BDKRB2: variants seen among roughly 807,000 people sequenced by gnomAD.
BDKRB2 encodes B2 bradykinin receptor.
BDKRB2 carries 6 observed loss-of-function variants against 4.0 expected under a neutral mutation model. The ratio of observed to expected loss-of-function variants is 1.49; its 90% CI spans 0.81 to 2.93. The LOEUF (loss-of-function observed/expected upper bound fraction) is 2.93, where lower values mean the gene tolerates loss of function less well. Ranked by LOEUF, BDKRB2 falls within the 30% of genes most tolerant of loss-of-function variation. The probability of loss-of-function intolerance (pLI) is 0.00; values close to 1 mark genes in which losing one functional copy is unlikely to be tolerated. For synonymous variants in BDKRB2, 225 were observed against 215.3 expected, an observed-to-expected ratio of 1.05 and a Z score of -0.40; for missense variants, 478 against 520.1, an observed-to-expected ratio of 0.92 and a Z score of 0.79.
chr14:96,220,037 T>G (rs928910256), intron 1 of BDKRB2, among the ~76,000 whole-genome samples: 1 of 151,932 alleles, frequency 6.6e-6, no homozygotes, highest in Non-Finnish European at 1.5e-5. Flanking sequence ...ACCATAGAAA[T>G]TTGCAAATGC....
intron 1 of BDKRB2, among the ~76,000 whole-genome samples, chr14:96,210,314 C>T (rs1959052): frequency 6.6e-6 from 1 of 151,896 alleles, no homozygotes; most frequent in Admixed American, 6.6e-5. Context: ...TGGCTTAGTG[C>T]GTTTGGGGTC....
At chr14:96,217,723 C>A (rs112999717) in intron 1 of BDKRB2, among the ~76,000 whole-genome samples, 1 of 151,634 alleles carries the variant, frequency 6.6e-6, no homozygotes, top group Non-Finnish European at 1.5e-5. Flanking sequence ...AGCCAGAGCA[C>A]CTGTCTTGGG....
In BDKRB2 at chr14:96,242,198, G is replaced by C. The variant is rs199754651; in HGVS notation, c.*694G>C. 1 of 152,278 alleles carries C rather than the reference G, an allele frequency of 6.6e-6. No individual in the cohort carries two copies. The highest frequency in any genetic ancestry group is 2.4e-5 in the African/African-American group (1 of 41,454). 9.4% of individuals were successfully genotyped at this position (152,278 alleles called of 1,614,324 possible). A position where few individuals can be genotyped will look rare whatever the true frequency, so the allele number is the denominator to read the frequency against. ...ATCTTGAAGGAACTCAAAGACTCAAGTGGGAACGACTGGGCACTGCCACCA... is the reference window on the plus strand; with the variant it reads ...ATCTTGAAGGAACTCAAAGACTCAACTGGGAACGACTGGGCACTGCCACCA... On this transcript the variant is annotated 3_prime_UTR_variant, in exon 3 of 3. Coordinates refer to ENST00000554311, the MANE Select transcript of BDKRB2 (RefSeq NM_001379692.1).
chr14:96,244,126 C>A lies in BDKRB2; in HGVS notation c.*2622C>A, dbSNP rs1429032947. ...ACGAGAAAATCATGTAAACATGTGT[C>A]TTTTCTGTAGAGCATAATAAATGGA... On this transcript the variant is annotated 3_prime_UTR_variant, in exon 3 of 3. Transcript: ENST00000554311. 2 of 398,472 alleles carry A rather than the reference C, an allele frequency of 5.0e-6. No individual in the cohort carries two copies. The highest frequency in any genetic ancestry group is 4.1e-5 in the African/African-American group (2 of 48,630). The allele number at this position is 398,472 out of a possible 1,614,324, so 24.7% of individuals were successfully genotyped here.
rs574876078 is a variant in BDKRB2, at chr14:96,205,519, C to T, written c.-40+560C>T. ...GGGGGTTTGTGAATGTTGGCTGATG[C>T]GCCTCCAGGAGGCAGGTGGTAGTGA... is the stretch of plus-strand genomic sequence containing the variant. On this transcript the variant is annotated intron_variant, in intron 1 of 2. Coordinates refer to ENST00000554311, the MANE Select transcript of BDKRB2 (RefSeq NM_001379692.1). 4.6e-5 allele frequency among the ~76,000 whole-genome samples: 7 copies of T among 152,178 alleles called. No individual in the cohort carries two copies. The East Asian group carries it at 5.8e-4, about 13-fold the overall frequency.
intron 1 of BDKRB2, among the ~76,000 whole-genome samples, chr14:96,209,145 G>A (rs764725339): frequency 3.3e-5 from 5 of 152,208 alleles, no homozygotes; most frequent in African/African-American, 7.2e-5. Flanking sequence ...ACGCAGGTGC[G>A]GGGGTCCTGC....
At chr14:96,239,555 A>C in intron 2 of BDKRB2, 2 of 985,358 alleles carry the variant, frequency 2.0e-6, no homozygotes, top group Non-Finnish European at 2.4e-6. Flanking sequence ...GGAGTTTACC[A>C]CTGGTTATTT....
Position 96,241,551 on chromosome 14 carries a change from C to CA in BDKRB2, c.*48dup, listed in dbSNP as rs777421782. On this transcript the variant is annotated 3_prime_UTR_variant, in exon 3 of 3. Coordinates refer to ENST00000554311, the MANE Select transcript of BDKRB2 (RefSeq NM_001379692.1). ...GTGAATTTGTGTAAGGATTGAGGGACAGTTGCTTTTCAGCATGGGCCCAGG... is the reference window on the plus strand; with the variant it reads ...GTGAATTTGTGTAAGGATTGAGGGACAAGTTGCTTTTCAGCATGGGCCCAGG... 4.0e-6 allele frequency: 6 copies of CA among 1,497,012 alleles called. No individual in the cohort carries two copies. In the African/African-American group the frequency reaches 4.2e-5, roughly 10 times the overall value. 92.7% of individuals were successfully genotyped at this position (1,497,012 alleles called of 1,614,324 possible).
At chr14:96,215,970 A>G (rs1890408150) in intron 1 of BDKRB2, among the ~76,000 whole-genome samples, 1 of 152,234 alleles carries the variant, frequency 6.6e-6, no homozygotes, top group Admixed American at 6.5e-5. Context: ...GCCCCTGCGC[A>G]GTGCGAGTGG....
intron 1 of BDKRB2, among the ~76,000 whole-genome samples, chr14:96,218,564 C>T (rs1264121400): frequency 1.3e-5 from 2 of 152,158 alleles, no homozygotes; most frequent in Admixed American, 6.5e-5. Flanking sequence ...GCATCCCAGG[C>T]CCTGCTCTGC....
intron 2 of BDKRB2, chr14:96,238,627 A>C (rs1885176307): frequency 1.0e-6 from 1 of 979,806 alleles, no homozygotes; most frequent in Non-Finnish European, 1.2e-6. Context: ...TCCAACATCT[A>C]GTGTCACTTT....
At chr14:96,209,890 G>A (rs1595245639) in intron 1 of BDKRB2, among the ~76,000 whole-genome samples, 1 of 152,086 alleles carries the variant, frequency 6.6e-6, no homozygotes, top group African/African-American at 2.4e-5. Flanking sequence ...TAGCTACTTG[G>A]GAAGCTGAGG....
chr14:96,236,973 C>A, intron 1 of BDKRB2, 96 bp from the exon 2 acceptor site: 1 of 759,386 alleles, frequency 1.3e-6, no homozygotes, highest in Admixed American at 1.8e-5. Flanking sequence ...GAGTCAGGGA[C>A]TCAGCAGTCT....
At chr14:96,210,230 G>T (rs538021989) in intron 1 of BDKRB2, among the ~76,000 whole-genome samples, 1 of 152,360 alleles carries the variant, frequency 6.6e-6, no homozygotes, top group African/African-American at 2.4e-5. Flanking sequence ...TGTGAGGGAA[G>T]TAAATAGTTA....
At chr14:96,225,890 C>T (rs1451799528) in intron 1 of BDKRB2, among the ~76,000 whole-genome samples, 1 of 152,148 alleles carries the variant, frequency 6.6e-6, no homozygotes, top group Non-Finnish European at 1.5e-5. Context: ...TAGGCAGAGA[C>T]CCCGCCCACC....
chr14:96,208,576 A>C (rs2139764290), intron 1 of BDKRB2, among the ~76,000 whole-genome samples: 1 of 152,292 alleles, frequency 6.6e-6, no homozygotes, highest in East Asian at 1.9e-4. Flanking sequence ...GGCACACTGC[A>C]GGAGCTCAGG....
intron 1 of BDKRB2, 147 bp from the exon 2 acceptor site, chr14:96,236,922 C>A: frequency 3.3e-6 from 2 of 614,298 alleles, no homozygotes; most frequent in Non-Finnish European, 5.8e-6. Flanking sequence ...GCCATTGTAT[C>A]CCTAGCACCG....
At chr14:96,236,077 G>C (rs1218495625) in intron 1 of BDKRB2, among the ~76,000 whole-genome samples, 1 of 152,148 alleles carries the variant, frequency 6.6e-6, no homozygotes, top group African/African-American at 2.4e-5. Flanking sequence ...ACTTGAAGAG[G>C]GGTAGAGACA....
intron 1 of BDKRB2, among the ~76,000 whole-genome samples, chr14:96,213,374 C>G (rs929681455): frequency 1.4e-4 from 21 of 152,122 alleles, no homozygotes; most frequent in African/African-American, 3.6e-4. Context: ...ACCCCAAGTC[C>G]CATCCCCAGA....
Sources: gnomAD v4.1 joint callset for allele counts (sites outside exome capture counted in the v4.1 genomes callset) on GRCh38, gnomAD v4.1.1 for gene constraint, MANE v1.5 for transcripts, NCBI Gene and HGNC (gene_info 2026-07-23, HGNC 2026-07-21) for gene names.